Variants in MGAM observed in about 807,000 individuals in gnomAD.
The protein encoded by MGAM is maltase-glucoamylase.
MGAM carries 253 observed loss-of-function variants against 358.8 expected under a neutral mutation model. That is an observed-to-expected ratio of 0.71 (90% CI 0.64 to 0.78). MGAM has a LOEUF of 0.78. Among genes scored for constraint, MGAM ranks in the 30% least tolerant of loss-of-function variants. The pLI is 0.00. For synonymous variants in MGAM, 1,105 were observed against 1,227.1 expected, an observed-to-expected ratio of 0.90 and a Z score of 2.08; for missense variants, 3,080 against 3,432.6, an observed-to-expected ratio of 0.90 and a Z score of 2.57.
At chr7:142,008,451 ATGTC>A in intron 2 of MGAM, 51 bp from the exon 3 acceptor site, 1 of 1,527,010 alleles carries the variant, frequency 6.5e-7, no homozygotes, top group South Asian at 1.2e-5. Context: ...GAACTATTGA[ATGTC>A]TGTGAAATTA....
chr7:142,041,949 CATATATAT>C (rs1294862791), intron 21 of MGAM, among the ~76,000 whole-genome samples: 1 of 11,066 alleles, frequency 9.0e-5, no homozygotes, highest in Non-Finnish European at 1.7e-4. Flanking sequence ...TATATATATA[CATATATAT>C]AATATATATA....
intron 46 of MGAM, 100 bp downstream of exon 46, chr7:142,076,352 T>A: frequency 8.5e-7 from 1 of 1,174,430 alleles, no homozygotes; most frequent in African/African-American, 1.4e-5. Context: ...TAACTTTATA[T>A]GCATTATTGG....
chr7:142,088,822 C>CTATCT lies in MGAM; in HGVS notation c.6810+2105_6810+2106insTATCT, dbSNP rs1263603406. ...CTATCATTCTATCCTATCTATGTACCATCTATCTATCTATCTATCTATCTA... is the reference window on the plus strand; with the variant it reads ...CTATCATTCTATCCTATCTATGTACCTATCTATCTATCTATCTATCTATCTATCTA... On this transcript the variant is annotated intron_variant, in intron 57 of 70. Transcript: ENST00000475668. Among the ~76,000 whole-genome samples, 225 of 124,852 alleles carry CTATCT rather than the reference C, an allele frequency of 1.8e-3. 21 individuals are homozygous for CTATCT. The highest frequency in any genetic ancestry group is 0.016 in the East Asian group (63 of 3,976). 81.9% of individuals were successfully genotyped at this position (124,852 alleles called of 152,430 possible).
intron 45 of MGAM, among the ~76,000 whole-genome samples, chr7:142,075,673 T>C (rs1813676436): frequency 6.8e-6 from 1 of 146,140 alleles, no homozygotes; most frequent in Non-Finnish European, 1.6e-5. Flanking sequence ...GGCTAACTGG[T>C]ATGTGAAAAG....
intron 43 of MGAM, among the ~76,000 whole-genome samples, chr7:142,070,651 C>T (rs2129047490): frequency 6.9e-6 from 1 of 145,846 alleles, no homozygotes; most frequent in African/African-American, 2.4e-5. Context: ...CTCAATAGTG[C>T]TGAGACTGAA....
chr7:142,044,589 A>G (rs1195801773), intron 21 of MGAM, among the ~76,000 whole-genome samples: 2 of 131,358 alleles, frequency 1.5e-5, no homozygotes, highest in African/African-American at 5.5e-5. Context: ...TATAATGTAT[A>G]TTATATACAC....
At chr7:142,013,104 A>C (rs1554454884) in intron 3 of MGAM, among the ~76,000 whole-genome samples, 1 of 152,068 alleles carries the variant, frequency 6.6e-6, no homozygotes, top group Non-Finnish European at 1.5e-5. Context: ...TGGCCATTTT[A>C]AACAACTGCA....
intron 21 of MGAM, among the ~76,000 whole-genome samples, chr7:142,041,990 ATATATATAT>A (rs1384956797): frequency 0.049 from 737 of 15,070 alleles, 16 homozygotes; most frequent in Middle Eastern, 0.14. Flanking sequence ...ATAATATAAT[ATATATATAT>A]TATATATATA....
intron 49 of MGAM, among the ~76,000 whole-genome samples, chr7:142,079,412 A>T (rs1238252888): frequency 2.7e-5 from 4 of 145,712 alleles, no homozygotes; most frequent in Admixed American, 1.4e-4. Context: ...GGGAAGCATC[A>T]AGAATGATGA....
rs1356881075 is a variant in MGAM at position 142,042,021 on chromosome 7, ATATATTATATTATAT to A, written c.2498+1176_2498+1190del. ...ATATTATATATATAATATAATATAT[ATATATTATATTATAT>A]ACATATAATATATAATATATATACA... On this transcript the variant is annotated intron_variant, in intron 21 of 70. Coordinates refer to ENST00000475668, the MANE Select transcript of MGAM (RefSeq NM_001365693.1). 1.7e-3 allele frequency among the ~76,000 whole-genome samples: 38 copies of A among 22,704 alleles called. 1 individual carries two copies. Among genetic ancestry groups the A allele is most frequent in the African/African-American group, 0.011 (35 of 3,148 alleles). The allele number at this position is 22,704 out of a possible 152,430, so 14.9% of individuals were successfully genotyped here.
rs773418522 is a variant in MGAM, at chr7:142,068,735, G to A, written c.5061+32G>A. On this transcript the variant is annotated intron_variant, in intron 43 of 70. Coordinates refer to ENST00000475668, the MANE Select transcript of MGAM (RefSeq NM_001365693.1). ...TTTTCTGAATGTTTATATAACACGG[G>A]AATGTGGTAGAGAGTACAAAGGCTT... The A allele has an allele frequency of 5.6e-6, 8 of 1,431,562 alleles. 2 individuals are homozygous for A. The highest frequency in any genetic ancestry group is 4.1e-5 in the African/African-American group (3 of 73,276). The allele number at this position is 1,431,562 out of a possible 1,614,324, so 88.7% of individuals were successfully genotyped here.
rs1343995797 is a variant in MGAM at position 142,088,652 on chromosome 7, G to GTCTA, written c.6810+1938_6810+1939insATCT. On this transcript the variant is annotated intron_variant, in intron 57 of 70. Coordinates refer to ENST00000475668, the MANE Select transcript of MGAM (RefSeq NM_001365693.1). ...TCAGGTTATATCTATCTTTCTATCTGTCTGTCTATCTATCTATCTATCTAT... is the reference window on the plus strand; with the variant it reads ...TCAGGTTATATCTATCTTTCTATCTGTCTATCTGTCTATCTATCTATCTATCTAT... 4.1e-4 allele frequency among the ~76,000 whole-genome samples: 47 copies of GTCTA among 114,866 alleles called. 4 individuals carry two copies. The highest frequency in any genetic ancestry group is 5.4e-4 in the Non-Finnish European group (28 of 52,188). 75.4% of individuals were successfully genotyped at this position (114,866 alleles called of 152,430 possible).
chr7:142,104,575 C>G (rs986138824), intron 70 of MGAM, among the ~76,000 whole-genome samples: 1 of 152,134 alleles, frequency 6.6e-6, no homozygotes, highest in African/African-American at 2.4e-5. Flanking sequence ...CATTTTCATC[C>G]TAGTGCTTTC....
intron 35 of MGAM, among the ~76,000 whole-genome samples, chr7:142,062,914 C>G (rs1257303277): frequency 6.6e-6 from 1 of 152,110 alleles, no homozygotes; most frequent in South Asian, 2.1e-4. Flanking sequence ...ACCTGTGAGG[C>G]GGGACCAGGC....
Position 142,021,600 on chromosome 7 carries a change from C to A in MGAM, c.573C>A (p.Thr191=). 2 of 1,613,808 alleles carry A rather than the reference C, an allele frequency of 1.2e-6. No homozygotes were observed. Among genetic ancestry groups the A allele is most frequent in the East Asian group, 2.2e-5 (1 of 44,826 alleles). Residue 191 remains threonine, a synonymous_variant, in exon 6 of 71, where the codon ACC becomes ACA. Coordinates refer to ENST00000475668, the MANE Select transcript of MGAM (RefSeq NM_001365693.1). ...TCTCTGCACAGTTGACTGACCAAAC[C>A]AATAACAGGTTTGAAGTGCCCCACG... ...NRFHFKLTDQ[T]NNRFEVPHEH...
intron 1 of MGAM, among the ~76,000 whole-genome samples, chr7:141,999,682 TA>T (rs1399476742): frequency 5.3e-5 from 8 of 152,152 alleles, no homozygotes; most frequent in Non-Finnish European, 1.2e-4. Flanking sequence ...ATTTGTCCTA[TA>T]AAAAAATAGT....
At chr7:142,072,092 G>T (rs1174620657) in intron 44 of MGAM, among the ~76,000 whole-genome samples, 2 of 145,932 alleles carry the variant, frequency 1.4e-5, no homozygotes, top group East Asian at 4.0e-4. Flanking sequence ...AAGCTGTTCT[G>T]TACAGTGATA....
intron 29 of MGAM, among the ~76,000 whole-genome samples, chr7:142,056,442 G>T (rs1585024856): frequency 6.6e-6 from 1 of 152,178 alleles, no homozygotes; most frequent in African/African-American, 2.4e-5. Context: ...GAGGGTGTAT[G>T]GTATGTTGGA....
At position 142,065,727 on chromosome 7, in the gene MGAM, A is replaced by C. The variant is rs781714763; in HGVS notation, c.4666A>C (p.Ile1556Leu). The C allele has an allele frequency of 6.4e-7, 1 of 1,572,142 alleles. No individual in the cohort carries two copies. Among genetic ancestry groups the C allele is most frequent in the South Asian group, 1.1e-5 (1 of 89,748 alleles). Residue 1556 changes from isoleucine to leucine, a missense_variant, in exon 40 of 71, where the codon ATC becomes CTC. Ile to Leu is a conservative substitution (Grantham distance 5, BLOSUM62 2). Around this residue, in one of 5 missense-constraint regions of MGAM, gnomAD observed 134 missense variants for 198.4 expected, o/e 0.68. Coordinates refer to ENST00000475668, the MANE Select transcript of MGAM (RefSeq NM_001365693.1). ...CCTCTTGTTTCAGACGGGAGCAGAT[A>C]TCTGTGGGTTCTTTCAAGACGCTGA... ...LFGISYTGAD[I>L]CGFFQDAEYE...
Sources: gnomAD v4.1 joint callset for allele counts (sites outside exome capture counted in the v4.1 genomes callset) on GRCh38, gnomAD v4.1.1 for gene constraint, gnomAD v4.1.1 regional missense constraint, MANE v1.5 for transcripts, NCBI Gene and HGNC (gene_info 2026-07-23, HGNC 2026-07-21) for gene names.